The following CADM2 variants were observed in gnomAD, a reference collection of about 807,000 sequenced individuals.
CADM2 encodes cell adhesion molecule 2.
Under a neutral mutation model 49.8 loss-of-function variants are expected in CADM2, and 12 were observed. That is an observed-to-expected ratio of 0.24 (90% CI 0.15 to 0.39). The LOEUF (loss-of-function observed/expected upper bound fraction) is 0.39. Ranked by LOEUF, CADM2 falls within the 10% of genes least tolerant of loss-of-function variation. CADM2 has a pLI of 1.00. For missense variants in CADM2, 378 were observed against 492.3 expected (o/e 0.77, Z 2.20); for synonymous variants, 214 against 175.4 (o/e 1.22, Z -1.74).
intron 1 of CADM2, among the ~76,000 whole-genome samples, chr3:85,376,701 ATTGT>A (rs1397454619): frequency 6.6e-6 from 1 of 152,056 alleles, no homozygotes; most frequent in Non-Finnish European, 1.5e-5. Flanking sequence ...AAAGGAGATC[ATTGT>A]TTGGCTATCC....
At chr3:85,416,214 TTGA>T (rs1196875556) in intron 1 of CADM2, among the ~76,000 whole-genome samples, 1 of 152,144 alleles carries the variant, frequency 6.6e-6, no homozygotes, top group East Asian at 1.9e-4. Context: ...TCCAGAGTTT[TTGA>T]TATTAGAGGG....
At chr3:86,013,076 TC>T in intron 8 of CADM2, 1 of 1,301,540 alleles carries the variant, frequency 7.7e-7, no homozygotes, top group Non-Finnish European at 1.1e-6. Flanking sequence ...GGACAGTTCT[TC>T]GAGATAATGC....
At chr3:85,984,098 A>G (rs1309585388) in intron 8 of CADM2, among the ~76,000 whole-genome samples, 2 of 149,726 alleles carry the variant, frequency 1.3e-5, no homozygotes, top group South Asian at 4.2e-4. Context: ...TATATGATAT[A>G]TGCTTTATAT....
At chr3:85,051,839 A>C (rs1205756039) in intron 1 of CADM2, among the ~76,000 whole-genome samples, 1 of 152,148 alleles carries the variant, frequency 6.6e-6, no homozygotes, top group African/African-American at 2.4e-5. Context: ...CCTGGGGGGA[A>C]GTAAAGCTAA....
intron 1 of CADM2, among the ~76,000 whole-genome samples, chr3:85,339,411 T>A (rs1182945466): frequency 6.6e-6 from 1 of 151,524 alleles, no homozygotes; most frequent in Non-Finnish European, 1.5e-5. Context: ...AATGTGTCTC[T>A]TTTTTTACTT....
intron 8 of CADM2, among the ~76,000 whole-genome samples, chr3:85,989,565 C>T (rs752011459): frequency 7.2e-5 from 11 of 151,956 alleles, no homozygotes; most frequent in Non-Finnish European, 1.5e-4. Context: ...CAAAACAGGA[C>T]GAAAGATGGA....
intron 3 of CADM2, among the ~76,000 whole-genome samples, chr3:85,810,098 C>T (rs2072757507): frequency 6.6e-6 from 1 of 151,974 alleles, no homozygotes; most frequent in Non-Finnish European, 1.5e-5. Flanking sequence ...AGGAGAACAT[C>T]CTACTTTGGT....
chr3:85,484,893 T>C (rs2039355418), intron 1 of CADM2, among the ~76,000 whole-genome samples: 1 of 151,926 alleles, frequency 6.6e-6, no homozygotes, highest in Non-Finnish European at 1.5e-5. Context: ...GATTTTTGAC[T>C]CATGTCTTAC....
At chr3:85,126,586 C>T (rs1002088681) in intron 1 of CADM2, among the ~76,000 whole-genome samples, 1 of 151,994 alleles carries the variant, frequency 6.6e-6, no homozygotes, top group Non-Finnish European at 1.5e-5. Flanking sequence ...AAATATGCTG[C>T]CATTTTTATT....
chr3:85,652,871 G>A (rs10049108), intron 1 of CADM2, among the ~76,000 whole-genome samples: 6 of 135,894 alleles, frequency 4.4e-5, no homozygotes, highest in South Asian at 4.9e-4. Flanking sequence ...TGTGCCTCCC[G>A]GGTTCAAGTG....
intron 1 of CADM2, among the ~76,000 whole-genome samples, chr3:85,171,212 G>A (rs1329318520): frequency 1.3e-5 from 2 of 152,124 alleles, no homozygotes; most frequent in African/African-American, 2.4e-5. Context: ...GTTTGCTTAT[G>A]TCTGTATAGA....
At chr3:85,976,516 A>G (rs890966342) in intron 8 of CADM2, among the ~76,000 whole-genome samples, 1 of 151,648 alleles carries the variant, frequency 6.6e-6, no homozygotes, top group Non-Finnish European at 1.5e-5. Flanking sequence ...TATAGCTGAA[A>G]TAATGGGGTG....
intron 1 of CADM2, among the ~76,000 whole-genome samples, chr3:85,410,572 TAGAA>T (rs2035609932): frequency 6.6e-6 from 1 of 152,176 alleles, no homozygotes; most frequent in African/African-American, 2.4e-5. Context: ...GGCTTTAAAA[TAGAA>T]AGAATTGGAT....
intron 2 of CADM2, among the ~76,000 whole-genome samples, chr3:85,755,211 A>G (rs1304234455): frequency 1.3e-5 from 2 of 152,166 alleles, no homozygotes; most frequent in Non-Finnish European, 2.9e-5. Context: ...GGCTGACCCA[A>G]AATGTGGGGG....
chr3:85,151,978 G>T (rs1041766343), intron 1 of CADM2, among the ~76,000 whole-genome samples: 1 of 152,042 alleles, frequency 6.6e-6, no homozygotes, highest in African/African-American at 2.4e-5. Context: ...AAGAAAAAAG[G>T]TTATTTTTTT....
chr3:85,114,287 T>A (rs1332751751), intron 1 of CADM2, among the ~76,000 whole-genome samples: 2 of 151,678 alleles, frequency 1.3e-5, no homozygotes, highest in Non-Finnish European at 2.9e-5. Context: ...AGGACAGAAG[T>A]GTGAATTGTG....
intron 5 of CADM2, among the ~76,000 whole-genome samples, chr3:85,908,371 C>T (rs979998201): frequency 6.8e-6 from 1 of 147,848 alleles, no homozygotes; most frequent in Admixed American, 6.9e-5. Context: ...TTAGTTCTTG[C>T]TAAGACAAAA....
intron 8 of CADM2, among the ~76,000 whole-genome samples, chr3:86,057,761 C>A (rs1738163337): frequency 6.6e-6 from 1 of 152,048 alleles, no homozygotes; most frequent in South Asian, 2.1e-4. Context: ...AGAAGTATGT[C>A]TTACAGGATG....
Position 85,763,425 on chromosome 3 carries a change from C to T in CADM2, c.88+36877C>T, listed in dbSNP as rs1202497769. ...GAATGCTGAAGTCCTTTGGAAATAA[C>T]ACCATCTTCACCCATACAAAGGTAG... On this transcript the variant is annotated intron_variant, in intron 2 of 9. Coordinates refer to ENST00000383699, the MANE Select transcript of CADM2 (RefSeq NM_001167675.2). Among the ~76,000 whole-genome samples the T allele has an allele frequency of 5.9e-5, 9 of 152,314 alleles. No homozygotes were observed. In the East Asian group the frequency reaches 1.7e-3, roughly 29 times the overall value.
Sources: gnomAD v4.1 joint callset for allele counts (sites outside exome capture counted in the v4.1 genomes callset) on GRCh38, gnomAD v4.1.1 for gene constraint, MANE v1.5 for transcripts, NCBI Gene and HGNC (gene_info 2026-07-23, HGNC 2026-07-21) for gene names.